The following FAM72B variants were observed in gnomAD, a reference collection of about 807,000 sequenced individuals.
The protein encoded by FAM72B is protein FAM72B.
FAM72B carries 4 observed loss-of-function variants against 12.6 expected under a neutral mutation model. That is an observed-to-expected ratio of 0.32 (90% CI 0.16 to 0.73). The LOEUF (loss-of-function observed/expected upper bound fraction) is 0.73. Ranked by LOEUF, FAM72B falls within the 30% of genes least tolerant of loss-of-function variation. The probability of loss-of-function intolerance (pLI) is 0.67; values close to 1 mark genes in which losing one functional copy is unlikely to be tolerated. For synonymous variants in FAM72B, 13 were observed against 53.9 expected (o/e 0.24, Z 3.32); for missense variants, 61 against 158.4 (o/e 0.39, Z 3.30).
intron 3 of FAM72B, among the ~76,000 whole-genome samples, chr1:121,170,658 T>C (rs1238035030): frequency 1.4e-5 from 1 of 71,710 alleles, no homozygotes; most frequent in African/African-American, 6.8e-5. Context: ...TTAAAAATGT[T>C]GCAAATACAG....
intron 3 of FAM72B, among the ~76,000 whole-genome samples, chr1:121,169,545 C>T (rs587686104): frequency 5.9e-5 from 9 of 151,740 alleles, no homozygotes; most frequent in African/African-American, 1.9e-4. Context: ...GATTAAATGC[C>T]TCTTTGGAGG....
Position 121,183,647 on chromosome 1 carries a change from C to T in FAM72B, c.-158G>A, listed in dbSNP as rs1654389368. The T allele has an allele frequency of 1.6e-5, 24 of 1,501,236 alleles. No individual in the cohort carries two copies. The South Asian group carries it at 3.0e-4, about 19-fold the overall frequency. 93.0% of individuals were successfully genotyped at this position (1,501,236 alleles called of 1,614,324 possible). On this transcript the variant is annotated 5_prime_UTR_variant, in exon 1 of 4. Coordinates refer to ENST00000369390, the MANE Select transcript of FAM72B (RefSeq NM_001100910.2). ...GAAATTAGTTTTTTTTTTCTGTTTTCCCGGTGGCGGAGTAGAAGAAGTATT... is the reference window on the plus strand; with the variant it reads ...GAAATTAGTTTTTTTTTTCTGTTTTTCCGGTGGCGGAGTAGAAGAAGTATT...
chr1:121,175,142 C>A (rs587752832), intron 3 of FAM72B, among the ~76,000 whole-genome samples: 3 of 152,192 alleles, frequency 2.0e-5, no homozygotes, highest in African/African-American at 7.2e-5. Context: ...TTCTAGGGTT[C>A]TTAGGAATTA....
intron 3 of FAM72B, among the ~76,000 whole-genome samples, chr1:121,169,772 T>A (rs1654053693): frequency 6.6e-6 from 1 of 151,214 alleles, no homozygotes; most frequent in Non-Finnish European, 1.5e-5. Flanking sequence ...AAAAGAATAA[T>A]CAAAAACTTC....
chr1:121,172,517 C>T (rs1210595670), intron 3 of FAM72B, among the ~76,000 whole-genome samples: 1 of 145,264 alleles, frequency 6.9e-6, no homozygotes, highest in Admixed American at 6.7e-5. Context: ...AATCCCAGCA[C>T]TTTGGGAGGC....
chr1:121,174,393 G>C (rs1236155192), intron 3 of FAM72B, among the ~76,000 whole-genome samples: 1 of 145,938 alleles, frequency 6.9e-6, no homozygotes, highest in East Asian at 2.0e-4. Flanking sequence ...TTGAGATGGA[G>C]TTTCACTTTT....
chr1:121,183,604 A>C lies in FAM72B; in HGVS notation c.-115T>G, dbSNP rs1321229468. On this transcript the variant is annotated 5_prime_UTR_variant, in exon 1 of 4. Coordinates refer to ENST00000369390, the MANE Select transcript of FAM72B (RefSeq NM_001100910.2). ...AGTTGCGGGACCTAGAGCTTTTCTA[A>C]GTCCTAATATTGGGAAGGAAATTAG... is the stretch of plus-strand genomic sequence containing the variant. 2.0e-5 allele frequency: 32 copies of C among 1,598,646 alleles called. No individual in the cohort carries two copies. The highest frequency in any genetic ancestry group is 2.6e-5 in the Non-Finnish European group (31 of 1,174,924).
Position 121,177,249 on chromosome 1 carries a change from T to C in FAM72B, c.314A>G (p.His105Arg), listed in dbSNP as rs376459909. The C allele has an allele frequency of 6.2e-7, 1 of 1,611,202 alleles. No individual in the cohort carries two copies. Among genetic ancestry groups the C allele is most frequent in the African/African-American group, 1.3e-5 (1 of 74,570 alleles). ...GTTAATATCATAAACTGCCTGGCTG[T>C]GAAACATCCAGAAGTGTCCGTTGTT... ...SCNNGHFWMF[H>R]SQAVYDINRL... is the part of the protein sequence containing the mutation. Residue 105 changes from histidine to arginine, a missense_variant, in exon 3 of 4, where the codon CAC becomes CGC. Transcript: ENST00000369390.
chr1:121,169,883 G>A (rs1654055202), intron 3 of FAM72B, among the ~76,000 whole-genome samples: 1 of 152,072 alleles, frequency 6.6e-6, no homozygotes, highest in African/African-American at 2.4e-5. Context: ...TTATTACTCT[G>A]GGCATATATT....
At chr1:121,178,721 T>C (rs1553317152) in intron 2 of FAM72B, among the ~76,000 whole-genome samples, 1 of 152,104 alleles carries the variant, frequency 6.6e-6, no homozygotes, top group Non-Finnish European at 1.5e-5. Flanking sequence ...AAAGCCCTTG[T>C]TCTCACAGAG....
At position 121,177,230 on chromosome 1, in the gene FAM72B, AT is replaced by A; in HGVS notation, c.332del (p.Asp111ValfsTer5). 1.2e-6 allele frequency: 2 copies of A among 1,610,958 alleles called. No individual in the cohort carries two copies. The highest frequency in any genetic ancestry group is 1.7e-6 in the Non-Finnish European group (2 of 1,179,652). ...TACCTGTGGAGTCTAGTCTGTTAAT[AT>A]CATAAACTGCCTGGCTGTGAAACAT... ...FWMFHSQAVYDINRLDSTGVN... is the reference protein window; with the variant it reads ...FWMFHSQAVYXINRLDSTGVN... On this transcript the variant is annotated frameshift_variant, in exon 3 of 4. Transcript: ENST00000369390. LOFTEE classifies it high-confidence loss of function.
chr1:121,174,373 T>C (rs1331919388), intron 3 of FAM72B, among the ~76,000 whole-genome samples: 2 of 150,660 alleles, frequency 1.3e-5, no homozygotes, highest in Non-Finnish European at 3.0e-5. Flanking sequence ...TCTTTTCTTT[T>C]TTTTTTTTTT....
intron 2 of FAM72B, among the ~76,000 whole-genome samples, chr1:121,179,464 A>AGAC (rs1417591494): frequency 6.6e-6 from 1 of 150,438 alleles, no homozygotes; most frequent in Admixed American, 6.6e-5. Flanking sequence ...CAGGTGGATC[A>AGAC]CTTGAGGTCA....
At chr1:121,179,844 A>G (rs1654295567) in intron 2 of FAM72B, among the ~76,000 whole-genome samples, 1 of 140,354 alleles carries the variant, frequency 7.1e-6, no homozygotes, top group African/African-American at 3.2e-5. Flanking sequence ...AAAAAAAAAA[A>G]GAAGAAAGAA....
intron 2 of FAM72B, among the ~76,000 whole-genome samples, chr1:121,178,674 C>T (rs1296644473): frequency 5.3e-5 from 8 of 151,684 alleles, no homozygotes; most frequent in Non-Finnish European, 8.8e-5. Context: ...CTTTCAGGCA[C>T]TGCTCTAGGT....
At position 121,173,139 on chromosome 1, in the gene FAM72B, A is replaced by T. The variant is rs868950318; in HGVS notation, c.355+4069T>A. Among the ~76,000 whole-genome samples the T allele has an allele frequency of 3.5e-4, 52 of 148,552 alleles. No homozygotes were observed. In the South Asian group the frequency reaches 5.3e-3, roughly 15 times the overall value. ...AGCACCTTAACACAAGGAAAAAGAA[A>T]TTTTTTTTTTAAAAGAATTGGTAGT... On this transcript the variant is annotated intron_variant, in intron 3 of 3. Transcript: ENST00000369390.
chr1:121,173,087 A>G (rs1322217292), intron 3 of FAM72B, among the ~76,000 whole-genome samples: 1 of 151,244 alleles, frequency 6.6e-6, no homozygotes, highest in Non-Finnish European at 1.5e-5. Context: ...CAAAAAAAAA[A>G]AAAAAGAATT....
chr1:121,180,415 G>A (rs1238613785), intron 2 of FAM72B, among the ~76,000 whole-genome samples: 4 of 137,052 alleles, frequency 2.9e-5, no homozygotes, highest in Non-Finnish European at 6.1e-5. Context: ...TGGGCATGGT[G>A]GTGCGTGCAT....
In FAM72B at chr1:121,168,628, C is replaced by T. The variant is rs1466599050; in HGVS notation, c.*113G>A. ...CGGAAAATAAATAAATCAACAAATG[C>T]CCCATTTTTGTTTTCCAAAAAAGAT... On this transcript the variant is annotated 3_prime_UTR_variant, in exon 4 of 4. Coordinates refer to ENST00000369390, the MANE Select transcript of FAM72B (RefSeq NM_001100910.2). 2.0e-6 allele frequency: 2 copies of T among 979,198 alleles called. No homozygotes were observed. Among genetic ancestry groups the T allele is most frequent in the Admixed American group, 3.4e-5 (1 of 29,286 alleles). 60.7% of individuals were successfully genotyped at this position (979,198 alleles called of 1,614,324 possible). A position where few individuals can be genotyped will look rare whatever the true frequency, so the allele number is the denominator to read the frequency against.
Sources: allele counts gnomAD v4.1 joint callset (sites outside exome capture counted in the v4.1 genomes callset), GRCh38; gene constraint gnomAD v4.1.1; transcripts MANE v1.5; gene names NCBI Gene and HGNC (gene_info 2026-07-23, HGNC 2026-07-21).